SHANK2: variants seen among roughly 807,000 people sequenced by gnomAD.
The protein encoded by SHANK2 is SH3 and multiple ankyrin repeat domains protein 2.
Under a neutral mutation model 133.7 loss-of-function variants are expected in SHANK2, and 43 were observed. The ratio of observed to expected loss-of-function variants is 0.32; its 90% CI spans 0.25 to 0.41. SHANK2 has a LOEUF of 0.41. Among genes scored for constraint, SHANK2 ranks in the 10% least tolerant of loss-of-function variants. The pLI is 1.00. For synonymous variants in SHANK2, 1,017 were observed against 952.8 expected (o/e 1.07, Z -1.24); for missense variants, 1,994 against 2,235.8 (o/e 0.89, Z 2.18).
chr11:70,909,639 C>T (rs570642123), intron 10 of SHANK2, among the ~76,000 whole-genome samples: 2 of 152,112 alleles, frequency 1.3e-5, no homozygotes, highest in African/African-American at 2.4e-5. Flanking sequence ...CCTGTCCATT[C>T]GATTCCAAAG....
At chr11:71,163,915 T>C (rs1223856590) in intron 2 of SHANK2, among the ~76,000 whole-genome samples, 3 of 152,364 alleles carry the variant, frequency 2.0e-5, no homozygotes, top group South Asian at 4.1e-4. Flanking sequence ...GCTTTATTTT[T>C]CTAGAGCAGG....
chr11:70,679,414 C>T (rs542819947), intron 15 of SHANK2, among the ~76,000 whole-genome samples: 6 of 152,326 alleles, frequency 3.9e-5, no homozygotes, highest in South Asian at 2.1e-4. Flanking sequence ...GGCCTATCCC[C>T]GGACCATCAG....
At chr11:70,598,549 GA>G (rs1283699269) in intron 17 of SHANK2, among the ~76,000 whole-genome samples, 7 of 152,124 alleles carry the variant, frequency 4.6e-5, no homozygotes, top group Admixed American at 4.6e-4. Context: ...GAAAAAGAGA[GA>G]ACACTCCCCA....
At chr11:70,509,579 CCTGT>C (rs1479710999) in intron 17 of SHANK2, among the ~76,000 whole-genome samples, 49 of 152,344 alleles carry the variant, frequency 3.2e-4, no homozygotes, top group African/African-American at 1.2e-3. Context: ...GCCCCCTCAC[CCTGT>C]CTTTCAGCTC....
rs943298770 is a variant in SHANK2, at chr11:70,782,038, C to T, written c.1777+16405G>A. On this transcript the variant is annotated intron_variant, in intron 14 of 25. Transcript: ENST00000601538. Reference sequence around the variant, plus strand: ...CAAAAAACCAAACACCGCATGTTCTCACTCATAGGTGGGAATTGAACAATG... The same window carrying T: ...CAAAAAACCAAACACCGCATGTTCTTACTCATAGGTGGGAATTGAACAATG... 2.8e-4 allele frequency among the ~76,000 whole-genome samples: 42 copies of T among 152,138 alleles called. 2 individuals carry two copies. The highest frequency in any genetic ancestry group is 2.5e-3 in the Admixed American group (38 of 15,284).
intron 11 of SHANK2, chr11:70,873,086 G>C (rs1035676284): frequency 4.2e-6 from 2 of 471,242 alleles, no homozygotes; most frequent in Non-Finnish European, 8.8e-6. Flanking sequence ...CCTCAGGAAG[G>C]TGAAACCTGC....
intron 9 of SHANK2, among the ~76,000 whole-genome samples, chr11:71,059,383 G>A (rs1220707548): frequency 6.6e-6 from 1 of 152,138 alleles, no homozygotes; most frequent in Non-Finnish European, 1.5e-5. Flanking sequence ...GGTGGTGATG[G>A]TTGACGGTGG....
chr11:70,729,091 C>G (rs1946229781), intron 14 of SHANK2, among the ~76,000 whole-genome samples: 1 of 151,736 alleles, frequency 6.6e-6, no homozygotes. Context: ...GTAATCCCAG[C>G]TACTTGGGAA....
intron 2 of SHANK2, among the ~76,000 whole-genome samples, chr11:71,203,742 C>T (rs917616694): frequency 2.0e-5 from 3 of 152,230 alleles, no homozygotes; most frequent in Non-Finnish European, 4.4e-5. Flanking sequence ...GCTAACAACA[C>T]GTGTTACAGT....
chr11:70,520,109 G>A (rs1324272605), intron 17 of SHANK2, among the ~76,000 whole-genome samples: 4 of 152,000 alleles, frequency 2.6e-5, no homozygotes, highest in Admixed American at 6.6e-5. Context: ...AAAAAACATT[G>A]TGAACTCAGT....
chr11:70,810,105 G>T (rs1459122649), intron 12 of SHANK2, among the ~76,000 whole-genome samples: 2 of 152,150 alleles, frequency 1.3e-5, no homozygotes, highest in Non-Finnish European at 2.9e-5. Flanking sequence ...CCTGGAGCAG[G>T]AACTCCTGCA....
chr11:71,173,514 G>T (rs563558528), intron 2 of SHANK2, among the ~76,000 whole-genome samples: 2 of 152,318 alleles, frequency 1.3e-5, no homozygotes, highest in Admixed American at 6.5e-5. Flanking sequence ...TGATGAACCA[G>T]GCGAATGTCC....
In SHANK2 at chr11:71,110,052, A is replaced by C; in HGVS notation, c.484-3T>G. ...TCCATGCATTTCTTCAGATTGGTCTAGAAGGAAAAACAATACAATTGAAAC... is the reference window on the plus strand; with the variant it reads ...TCCATGCATTTCTTCAGATTGGTCTCGAAGGAAAAACAATACAATTGAAAC... On this transcript the variant is annotated splice_polypyrimidine_tract_variant and splice_region_variant and intron_variant, in intron 5 of 25. Transcript: ENST00000601538. 1.3e-6 allele frequency: 2 copies of C among 1,541,680 alleles called. No individual in the cohort carries two copies. The highest frequency in any genetic ancestry group is 1.8e-6 in the Non-Finnish European group (2 of 1,137,878).
chr11:70,640,093 G>T (rs2061157273), intron 17 of SHANK2, among the ~76,000 whole-genome samples: 1 of 152,242 alleles, frequency 6.6e-6, no homozygotes, highest in Non-Finnish European at 1.5e-5. Context: ...GCCACGCACA[G>T]CTAGTGCAGT....
intron 14 of SHANK2, among the ~76,000 whole-genome samples, chr11:70,740,021 G>A (rs1946486482): frequency 6.6e-6 from 1 of 152,234 alleles, no homozygotes; most frequent in Admixed American, 6.5e-5. Flanking sequence ...CCCGGCAGGG[G>A]CAGGAATTTT....
Position 70,470,794 on chromosome 11 carries a change from T to C in SHANK2, c.*2075A>G, listed in dbSNP as rs1192871579. The C allele has an allele frequency of 6.5e-6, 1 of 152,682 alleles. No individual in the cohort carries two copies. Among genetic ancestry groups the C allele is most frequent in the Non-Finnish European group, 1.5e-5 (1 of 68,362 alleles). 9.5% of individuals were successfully genotyped at this position (152,682 alleles called of 1,614,324 possible). A position where few individuals can be genotyped will look rare whatever the true frequency, so the allele number is the denominator to read the frequency against. On this transcript the variant is annotated 3_prime_UTR_variant, in exon 26 of 26. Transcript: ENST00000601538. The stretch of plus-strand genomic sequence containing the variant: ...TACAAAGATTGACCTGCAAAAGGTT[T>C]TGGAACAGAAGGTCCAAAAACTTGG...
intron 11 of SHANK2, among the ~76,000 whole-genome samples, chr11:70,878,442 C>T (rs975290111): frequency 6.6e-6 from 1 of 152,206 alleles, no homozygotes; most frequent in Admixed American, 6.5e-5. Context: ...CTTTCTGGAG[C>T]AATTTACCAT....
chr11:71,106,518 T>C (rs4285900), intron 6 of SHANK2, among the ~76,000 whole-genome samples: 81,440 of 151,636 alleles, frequency 0.54, 22,244 homozygotes, highest in South Asian at 0.67. Flanking sequence ...TCTGTGCTAC[T>C]GTCTCCATGG....
In SHANK2 at chr11:70,947,353, AT is replaced by A. The variant is rs71049955; in HGVS notation, c.1108-50787del. On this transcript the variant is annotated intron_variant, in intron 10 of 25. Coordinates refer to ENST00000601538, the MANE Select transcript of SHANK2 (RefSeq NM_012309.5). ...ATGTGCTTAAGTAACTGACATCTAC[AT>A]TTTTTTTTTTTTTTTTTGAGATGAA... Among the ~76,000 whole-genome samples the A allele has an allele frequency of 5.3e-3, 708 of 133,054 alleles. 3 individuals carry two copies. The highest frequency in any genetic ancestry group is 9.8e-3 in the African/African-American group (345 of 35,334). The allele number at this position is 133,054 out of a possible 152,430, so 87.3% of individuals were successfully genotyped here.
Sources: allele counts gnomAD v4.1 joint callset (sites outside exome capture counted in the v4.1 genomes callset), GRCh38; gene constraint gnomAD v4.1.1; transcripts MANE v1.5; gene names NCBI Gene and HGNC (gene_info 2026-07-23, HGNC 2026-07-21).